The following CWC27 variants were observed in gnomAD, a reference collection of about 807,000 sequenced individuals.
CWC27 encodes CWC27 spliceosome associated cyclophilin.
CWC27 carries 47 observed loss-of-function variants against 63.6 expected under a neutral mutation model. The observed-to-expected ratio is 0.74, with a 90% confidence interval of 0.58 to 0.94. The LOEUF (loss-of-function observed/expected upper bound fraction) is 0.94, where lower values mean the gene tolerates loss of function less well. Among genes scored for constraint, CWC27 ranks in the 40% least tolerant of loss-of-function variants. CWC27 has a pLI of 0.00. For synonymous variants in CWC27, 175 were observed against 179.8 expected (o/e 0.97, Z 0.22); for missense variants, 495 against 554.3 (o/e 0.89, Z 1.07).
intron 13 of CWC27, among the ~76,000 whole-genome samples, chr5:65,004,863 T>TAC (rs1749802021): frequency 9.0e-5 from 1 of 11,114 alleles, no homozygotes; most frequent in Non-Finnish European, 1.6e-4. Flanking sequence ...GACTTTTTCA[T>TAC]ATATATATAT....
chr5:64,886,749 TG>T (rs1180334038), intron 11 of CWC27, among the ~76,000 whole-genome samples: 2 of 152,120 alleles, frequency 1.3e-5, no homozygotes, highest in Non-Finnish European at 2.9e-5. Flanking sequence ...TGAAAGTCAT[TG>T]AAGTATATAT....
intron 10 of CWC27, among the ~76,000 whole-genome samples, chr5:64,811,062 A>G (rs1744863967): frequency 6.6e-6 from 1 of 152,078 alleles, no homozygotes; most frequent in Admixed American, 6.6e-5. Flanking sequence ...CCCATTCCTG[A>G]ACAAGCTGTT....
intron 2 of CWC27, among the ~76,000 whole-genome samples, chr5:64,777,301 T>C (rs991740466): frequency 3.3e-5 from 5 of 152,076 alleles, no homozygotes; most frequent in Non-Finnish European, 7.4e-5. Flanking sequence ...AATATAAGCA[T>C]AAATATGCTA....
chr5:64,970,363 C>A (rs1478892184), intron 11 of CWC27, among the ~76,000 whole-genome samples: 1 of 152,046 alleles, frequency 6.6e-6, no homozygotes, highest in East Asian at 1.9e-4. Context: ...CAGGCGCCCG[C>A]CACCACGCCC....
intron 13 of CWC27, among the ~76,000 whole-genome samples, chr5:64,987,764 C>T (rs1327712705): frequency 1.3e-5 from 2 of 152,198 alleles, no homozygotes; most frequent in African/African-American, 4.8e-5. Flanking sequence ...GTTTGTTCCA[C>T]CAAATTCTGT....
chr5:64,891,801 G>A (rs181097299), intron 11 of CWC27, among the ~76,000 whole-genome samples: 1 of 151,630 alleles, frequency 6.6e-6, no homozygotes, highest in African/African-American at 2.4e-5. Flanking sequence ...TGTTGTTGTT[G>A]TTGTTGTTGT....
intron 10 of CWC27, among the ~76,000 whole-genome samples, chr5:64,834,401 C>T (rs577255228): frequency 2.1e-4 from 32 of 151,590 alleles, no homozygotes; most frequent in African/African-American, 7.2e-4. Context: ...ACTAAGGGAA[C>T]TTTGATGTAA....
At chr5:64,800,442 CA>C in intron 8 of CWC27, 115 bp downstream of exon 8, 8 of 593,668 alleles carry the variant, frequency 1.3e-5, no homozygotes, top group South Asian at 1.2e-4. Flanking sequence ...TTAAGCCAGC[CA>C]AAAAAATAAA....
intron 10 of CWC27, among the ~76,000 whole-genome samples, chr5:64,872,212 A>G (rs1298627043): frequency 6.6e-6 from 1 of 152,186 alleles, no homozygotes; most frequent in South Asian, 2.1e-4. Flanking sequence ...GGAGTGCTTT[A>G]GGAGGAATAG....
intron 7 of CWC27, among the ~76,000 whole-genome samples, chr5:64,797,432 G>C (rs1420039237): frequency 6.6e-6 from 1 of 152,084 alleles, no homozygotes; most frequent in Non-Finnish European, 1.5e-5. Context: ...ACTGTAGTGG[G>C]AAGAGAGGCC....
chr5:64,943,708 C>T (rs1748536037), intron 11 of CWC27, among the ~76,000 whole-genome samples: 1 of 152,164 alleles, frequency 6.6e-6, no homozygotes, highest in Non-Finnish European at 1.5e-5. Context: ...TAGATTTCTT[C>T]TCATGGTCAT....
At chr5:64,947,374 G>T (rs1280078087) in intron 11 of CWC27, among the ~76,000 whole-genome samples, 3 of 152,046 alleles carry the variant, frequency 2.0e-5, no homozygotes, top group Admixed American at 1.3e-4. Context: ...GTCTAACTTG[G>T]CTGTACCTTA....
chr5:64,801,770 G>A (rs1257319022), intron 9 of CWC27, among the ~76,000 whole-genome samples: 1 of 152,172 alleles, frequency 6.6e-6, no homozygotes, highest in Non-Finnish European at 1.5e-5. Flanking sequence ...ATTCAAGAGT[G>A]TAGTGATCTT....
intron 10 of CWC27, among the ~76,000 whole-genome samples, chr5:64,831,903 G>T (rs1182495144): frequency 1.3e-5 from 2 of 151,844 alleles, no homozygotes; most frequent in Non-Finnish European, 2.9e-5. Flanking sequence ...TCACTCTGTT[G>T]TATGTACTAT....
Position 64,769,029 on chromosome 5 carries a change from C to A in CWC27, c.-118C>A. On this transcript the variant is annotated 5_prime_UTR_variant, in exon 1 of 14. The change creates a new upstream start codon in the 5' untranslated region. Transcript: ENST00000381070. ...CCCTGTCTTGCGTGATATTGACAAACTGAAGCTTTCCTGCACCACTGGACT... is the reference window on the plus strand; with the variant it reads ...CCCTGTCTTGCGTGATATTGACAAAATGAAGCTTTCCTGCACCACTGGACT... 2.4e-6 allele frequency: 2 copies of A among 835,206 alleles called. No individual in the cohort carries two copies. The highest frequency in any genetic ancestry group is 4.0e-6 in the Non-Finnish European group (2 of 496,198). The allele number at this position is 835,206 out of a possible 1,614,324, so 51.7% of individuals were successfully genotyped here. A position where few individuals can be genotyped will look rare whatever the true frequency, so the allele number is the denominator to read the frequency against.
chr5:64,879,239 A>G (rs1463952331), intron 10 of CWC27, among the ~76,000 whole-genome samples: 1 of 152,050 alleles, frequency 6.6e-6, no homozygotes, highest in Non-Finnish European at 1.5e-5. Flanking sequence ...AACATTATCA[A>G]TCTCACTTTT....
chr5:64,961,684 A>G (rs1748915036), intron 11 of CWC27, among the ~76,000 whole-genome samples: 2 of 152,170 alleles, frequency 1.3e-5, no homozygotes, highest in Non-Finnish European at 1.5e-5. Flanking sequence ...CTGTGTAATT[A>G]TGAATTGAAG....
intron 10 of CWC27, among the ~76,000 whole-genome samples, chr5:64,842,798 C>T (rs774473347): frequency 2.0e-4 from 30 of 151,946 alleles, no homozygotes; most frequent in African/African-American, 4.6e-4. Flanking sequence ...GATGGGGTTT[C>T]GCCATGTTGC....
At chr5:64,961,050 A>C (rs1748899672) in intron 11 of CWC27, among the ~76,000 whole-genome samples, 1 of 152,224 alleles carries the variant, frequency 6.6e-6, no homozygotes, top group Non-Finnish European at 1.5e-5. Flanking sequence ...GTGGATAGAT[A>C]ACATTGGTTC....
Sources: gnomAD v4.1 joint callset for allele counts (sites outside exome capture counted in the v4.1 genomes callset) on GRCh38, gnomAD v4.1.1 for gene constraint, MANE v1.5 for transcripts, NCBI Gene and HGNC (gene_info 2026-07-23, HGNC 2026-07-21) for gene names.